ITGAD: variants seen among roughly 807,000 people sequenced by gnomAD.
The protein encoded by ITGAD is integrin alpha-D.
A neutral mutation model predicts 139.0 loss-of-function variants in ITGAD; 105 were observed. The ratio of observed to expected loss-of-function variants is 0.76; its 90% confidence interval spans 0.65 to 0.89. The LOEUF is 0.89. Among genes scored for constraint, ITGAD ranks in the 40% least tolerant of loss-of-function variants. The pLI is 0.00. For missense variants in ITGAD, 1,384 were observed against 1,487.3 expected, an observed-to-expected ratio of 0.93 and a Z score of 1.14; for synonymous variants, 569 against 598.3, an observed-to-expected ratio of 0.95 and a Z score of 0.71.
intron 23 of ITGAD, among the ~76,000 whole-genome samples, chr16:31,421,771 AG>A (rs1445092615): frequency 6.6e-6 from 1 of 152,140 alleles, no homozygotes; most frequent in African/African-American, 2.4e-5. Context: ...TGACTCAGGT[AG>A]GAAGTGGTCG....
chr16:31,398,014 G>A (rs898194721), intron 5 of ITGAD, 105 bp downstream of exon 5: 34 of 801,794 alleles, frequency 4.2e-5, no homozygotes, highest in Non-Finnish European at 6.1e-5. Flanking sequence ...CTGGAGGGCC[G>A]AGTGTGGCTA....
rs747254022 is a variant in ITGAD at position 31,424,560 on chromosome 16, A to G, written c.3355A>G (p.Thr1119Ala). The stretch of plus-strand genomic sequence containing the variant: ...GGCTCTGCTACTGCTGGCGCTCATC[A>G]CAGCCACACTGTACAAGGCAAGTGT... Reference protein sequence around the residue: ...VGALLLLALITATLYKLGFFK... With the variant: ...VGALLLLALIAATLYKLGFFK... Residue 1119 changes from threonine to alanine, a missense_variant, in exon 29 of 30, where the codon ACA becomes GCA. Coordinates refer to ENST00000389202, the MANE Select transcript of ITGAD (RefSeq NM_005353.3). The G allele has an allele frequency of 1.2e-6, 2 of 1,610,822 alleles. No individual in the cohort carries two copies. The highest frequency in any genetic ancestry group is 1.7e-6 in the Non-Finnish European group (2 of 1,178,322).
At chr16:31,401,481 TG>T (rs959700845) in intron 5 of ITGAD, among the ~76,000 whole-genome samples, 1 of 152,010 alleles carries the variant, frequency 6.6e-6, no homozygotes, top group East Asian at 1.9e-4. Context: ...TCTGACCGAC[TG>T]GGGGTAGGGT....
rs750137528 is a variant in ITGAD, at chr16:31,418,145, G to T, written c.2570G>T (p.Ser857Ile). The T allele has an allele frequency of 2.5e-6, 4 of 1,613,952 alleles. No individual in the cohort carries two copies. The African/African-American group carries it at 5.3e-5, about 22-fold the overall frequency. Residue 857 changes from serine (S) to isoleucine (I), a missense_variant, in exon 21 of 30, where the codon AGC (serine) becomes ATC (isoleucine). Coordinates refer to ENST00000389202, the MANE Select transcript of ITGAD (RefSeq NM_005353.3). ...CCCACTGAGGATGAGGGCCTAAGAAGCAGCCGCTGCAGTGTCAACCACCCC... is the reference window on the plus strand; with the variant it reads ...CCCACTGAGGATGAGGGCCTAAGAATCAGCCGCTGCAGTGTCAACCACCCC... ...TVPTEDEGLR[S>I]SRCSVNHPIF...
chr16:31,406,120 G>T (rs767773074), intron 7 of ITGAD, among the ~76,000 whole-genome samples: 1 of 151,900 alleles, frequency 6.6e-6, no homozygotes. Flanking sequence ...TGTCGCCCAG[G>T]CTGGAGTGCA....
Position 31,408,492 on chromosome 16 carries a change from C to T in ITGAD, c.1077C>T (p.Leu359=). ...CCCAAGAAGGCTTCAGCACAGCCCT[C>T]ACAATGGTGGGTAGAGCCTGCCCTC... The part of the protein sequence containing the change: ...EMSQEGFSTA[L]TMDGLFLGAV... The change falls in exon 10 of 30, where the codon CTC becomes CTT. Residue 359 remains leucine, a synonymous_variant. Transcript: ENST00000389202. 1 of 1,613,794 alleles carries T rather than the reference C, an allele frequency of 6.2e-7. No individual in the cohort carries two copies. Among genetic ancestry groups the T allele is most frequent in the Admixed American group, 1.7e-5 (1 of 60,010 alleles).
At chr16:31,420,887 T>A (rs1843302199) in intron 23 of ITGAD, among the ~76,000 whole-genome samples, 1 of 152,004 alleles carries the variant, frequency 6.6e-6, no homozygotes, top group Admixed American at 6.5e-5. Flanking sequence ...CACTGTTGCT[T>A]CTGATGTATT....
At position 31,411,294 on chromosome 16, in the gene ITGAD, C is replaced by G; in HGVS notation, c.1498-14C>G. On this transcript the variant is annotated splice_polypyrimidine_tract_variant and intron_variant, in intron 13 of 29. Transcript: ENST00000389202. ...TCACCTGGATTGGGGTCTGACACTG[C>G]TTGTGTTCAGCAGAGGGTGCAGTGG... 2.5e-6 allele frequency: 4 copies of G among 1,609,430 alleles called. No individual in the cohort carries two copies. The South Asian group carries it at 4.4e-5, about 18-fold the overall frequency.
chr16:31,410,865 T>A lies in ITGAD; in HGVS notation c.1343T>A (p.Val448Asp). The change falls in exon 12 of 30, where the codon GTC becomes GAC. Residue 448 changes from valine to aspartate, a missense_variant. Val to Asp is a radical substitution (Grantham distance 152). Transcript: ENST00000389202. ...VSRQWRKKAE[V>D]TGTQIGSYFG... ...AGGCAATGGAGGAAGAAGGCCGAAG[T>A]CACAGGGACGCAGGTTGGGCGTGAC... is the stretch of plus-strand genomic sequence containing the variant. The A allele has an allele frequency of 6.3e-7, 1 of 1,599,774 alleles. No homozygotes were observed. The highest frequency in any genetic ancestry group is 8.5e-7 in the Non-Finnish European group (1 of 1,173,542).
rs1217137184 is a variant in ITGAD at position 31,407,608 on chromosome 16, G to A, written c.798G>A (p.Leu266=). The A allele has an allele frequency of 5.6e-6, 9 of 1,613,966 alleles. No homozygotes were observed. Among genetic ancestry groups the A allele is most frequent in the Admixed American group, 1.7e-5 (1 of 59,984 alleles). ...ATGGGCAGAAGTACAAAGACCCCCTGGAATACAGTGATGTCATCCCCCAGG... is the reference window on the plus strand; with the variant it reads ...ATGGGCAGAAGTACAAAGACCCCCTAGAATACAGTGATGTCATCCCCCAGG... ...ITDGQKYKDP[L]EYSDVIPQAE... is the part of the protein sequence containing the mutation. The change falls in exon 8 of 30, where the codon CTG becomes CTA. Residue 266 remains leucine, a synonymous_variant. Coordinates refer to ENST00000389202, the MANE Select transcript of ITGAD (RefSeq NM_005353.3).
intron 2 of ITGAD, among the ~76,000 whole-genome samples, chr16:31,395,966 A>G (rs1250768283): frequency 6.6e-6 from 1 of 152,104 alleles, no homozygotes; most frequent in Admixed American, 6.6e-5. Flanking sequence ...TTATTTGGAA[A>G]TGTGGTCAAC....
rs1410679767 is a variant in ITGAD, at chr16:31,414,943, C to T, written c.2235C>T (p.Asn745=). 43 of 1,614,024 alleles carry T rather than the reference C, an allele frequency of 2.7e-5. No individual in the cohort carries two copies. The highest frequency in any genetic ancestry group is 3.6e-5 in the Non-Finnish European group (42 of 1,180,036). The change falls in exon 18 of 30, where the codon AAC becomes AAT. Residue 745 remains asparagine (N), a synonymous_variant. Coordinates refer to ENST00000389202, the MANE Select transcript of ITGAD (RefSeq NM_005353.3). ...LVREPIPSPQ[N]LRPVLAVGSQ... is the part of the protein sequence containing the mutation. ...GAGAGCCCATCCCCTCCCCCCAGAA[C>T]CTGCGTCCTGTGCTGGCCGTGGGCT...
chr16:31,420,333 C>T (rs1247517743), intron 23 of ITGAD, among the ~76,000 whole-genome samples: 1 of 151,566 alleles, frequency 6.6e-6, no homozygotes, highest in Non-Finnish European at 1.5e-5. Context: ...AGGCTGGATG[C>T]AGAGCAAGGC....
At chr16:31,415,748 C>T (rs181828100) in intron 18 of ITGAD, among the ~76,000 whole-genome samples, 18 of 152,348 alleles carry the variant, frequency 1.2e-4, no homozygotes, top group Middle Eastern at 3.4e-3. Context: ...CCACACTCAG[C>T]ATCTGCCGCT....
chr16:31,423,281 A>C, intron 24 of ITGAD, 71 bp from the exon 25 acceptor site: 1 of 1,571,870 alleles, frequency 6.4e-7, no homozygotes, highest in Non-Finnish European at 8.8e-7. Flanking sequence ...GCCTTGGGGT[A>C]GGGCCAGGAG....
In ITGAD at chr16:31,413,070, C is replaced by T. The variant is rs369518731; in HGVS notation, c.1839-19C>T. On this transcript the variant is annotated intron_variant, in intron 15 of 29. Coordinates refer to ENST00000389202, the MANE Select transcript of ITGAD (RefSeq NM_005353.3). ...CCCAGAAGCCAGTGTTCTGTCCTCC[C>T]CACTACTCTGCCCCTCAGGAGTCTG... 2 of 1,613,760 alleles carry T rather than the reference C, an allele frequency of 1.2e-6. No homozygotes were observed. Among genetic ancestry groups the T allele is most frequent in the East Asian group, 4.5e-5 (2 of 44,878 alleles).
intron 4 of ITGAD, 46 bp downstream of exon 4, chr16:31,397,712 GT>G: frequency 6.8e-7 from 1 of 1,466,740 alleles, no homozygotes; most frequent in African/African-American, 1.4e-5. Flanking sequence ...GGGGCGGGGG[GT>G]GTTGTTGGGG....
At chr16:31,405,149 C>A (rs1275546665) in intron 7 of ITGAD, among the ~76,000 whole-genome samples, 2 of 152,120 alleles carry the variant, frequency 1.3e-5, no homozygotes, top group African/African-American at 4.8e-5. Flanking sequence ...CCACACCTGG[C>A]TAATGTTTGT....
rs769772036 is a variant in ITGAD at position 31,403,650 on chromosome 16, G to C, written c.704+5G>C. The C allele has an allele frequency of 3.7e-6, 6 of 1,614,022 alleles. No individual in the cohort carries two copies. Among genetic ancestry groups the C allele is most frequent in the Non-Finnish European group, 5.1e-6 (6 of 1,180,020 alleles). On this transcript the variant is annotated splice_donor_5th_base_variant and intron_variant, in intron 7 of 29. Coordinates refer to ENST00000389202, the MANE Select transcript of ITGAD (RefSeq NM_005353.3). The surrounding 1 kb of genome is among the most constrained non-coding windows in gnomAD (Gnocchi z 4.4). ...CACGGGCATCCTGACAGTGGTGTAA[G>C]CAACCCCGACCCCAGCCTGGCGATG... is the stretch of plus-strand genomic sequence containing the variant.
Sources: allele counts gnomAD v4.1 joint callset (sites outside exome capture counted in the v4.1 genomes callset), GRCh38; gene constraint gnomAD v4.1.1; non-coding constraint Gnocchi (gnomAD v3.1); transcripts MANE v1.5; gene names NCBI Gene and HGNC (gene_info 2026-07-23, HGNC 2026-07-21).